The following STAU1 variants were observed in gnomAD, a reference collection of about 807,000 sequenced individuals.
The protein encoded by STAU1 is staufen double-stranded RNA binding protein 1.
STAU1 carries 13 observed loss-of-function variants against 62.9 expected under a neutral mutation model. That is an observed-to-expected ratio of 0.21 (90% confidence interval 0.13 to 0.33). The LOEUF is 0.33. Among genes scored for constraint, STAU1 ranks in the 10% least tolerant of loss-of-function variants. The pLI, the probability that STAU1 is intolerant of heterozygous loss-of-function variation, is 1.00. For synonymous variants in STAU1, 269 were observed against 265.1 expected, an observed-to-expected ratio of 1.01 and a Z score of -0.14; for missense variants, 571 against 712.1, an observed-to-expected ratio of 0.80 and a Z score of 2.25.
At chr20:49,124,685 G>T in intron 6 of STAU1, 98 bp from the exon 7 acceptor site, 1 of 1,263,628 alleles carries the variant, frequency 7.9e-7, no homozygotes, top group Non-Finnish European at 1.1e-6. Flanking sequence ...CAGGGAAGGG[G>T]AACCAAGGAC....
the STAU1 span, among the ~76,000 whole-genome samples, chr20:49,202,229 A>AG: frequency 7.8e-5 from 11 of 141,896 alleles, no homozygotes; most frequent in South Asian, 4.5e-4. Flanking sequence ...CAAAAAAAAA[A>AG]AAAAGAAAGA....
At chr20:49,134,981 T>C (rs2092842810) in intron 6 of STAU1, 1 of 1,602,982 alleles carries the variant, frequency 6.2e-7, no homozygotes, top group Non-Finnish European at 8.5e-7. Context: ...GAAGAGACAG[T>C]TCATGAACAA....
At chr20:49,180,335 C>CCG (rs1200086640) in intron 1 of STAU1, among the ~76,000 whole-genome samples, 1 of 150,158 alleles carries the variant, frequency 6.7e-6, no homozygotes, top group Non-Finnish European at 1.5e-5. Flanking sequence ...TTTTTTTTCC[C>CCG]CCCCTGGATA....
At chr20:49,122,343 C>T (rs1159881406) in intron 8 of STAU1, among the ~76,000 whole-genome samples, 1 of 152,090 alleles carries the variant, frequency 6.6e-6, no homozygotes, top group African/African-American at 2.4e-5. Context: ...ATACTACTTA[C>T]AAAATTTACC....
At position 49,114,611 on chromosome 20, in the gene STAU1, T is replaced by C. The variant is rs2092267704; in HGVS notation, c.*267A>G. 4.4e-6 allele frequency: 2 copies of C among 458,666 alleles called. No individual in the cohort carries two copies. The highest frequency in any genetic ancestry group is 7.9e-6 in the Non-Finnish European group (2 of 254,192). 28.4% of individuals were successfully genotyped at this position (458,666 alleles called of 1,614,324 possible). ...TGGTGTCCCGGGAGAACCAGCTGGC[T>C]GGGCAGCCCTTCTTCCCCACAGGCA... is the stretch of plus-strand genomic sequence containing the variant. On this transcript the variant is annotated 3_prime_UTR_variant, in exon 14 of 14. Transcript: ENST00000371856.
intron 6 of STAU1, among the ~76,000 whole-genome samples, chr20:49,126,829 A>T (rs191879111): frequency 6.6e-6 from 1 of 152,064 alleles, no homozygotes; most frequent in African/African-American, 2.4e-5. Flanking sequence ...AAAAAATAGT[A>T]CCAGAGCAAC....
At position 49,129,280 on chromosome 20, in the gene STAU1, ATTTTT is replaced by A. The variant is rs71184264; in HGVS notation, c.610-4698_610-4694del. Reference sequence around the variant, plus strand: ...CCTGCTAGAATGACTTTAAAAAAAAATTTTTTTTTTTTTTTTTTTTTTTTTGAGAC... The same window carrying A: ...CCTGCTAGAATGACTTTAAAAAAAAATTTTTTTTTTTTTTTTTTTTGAGAC... On this transcript the variant is annotated intron_variant, in intron 6 of 13. Coordinates refer to ENST00000371856, the MANE Select transcript of STAU1 (RefSeq NM_017453.4). 6.8e-5 allele frequency among the ~76,000 whole-genome samples: 6 copies of A among 87,958 alleles called. No homozygotes were observed. In the East Asian group the frequency reaches 2.3e-3, roughly 33 times the overall value. 57.7% of individuals were successfully genotyped at this position (87,958 alleles called of 152,430 possible).
At chr20:49,126,858 G>A (rs138087151) in intron 6 of STAU1, among the ~76,000 whole-genome samples, 28 of 151,288 alleles carry the variant, frequency 1.9e-4, no homozygotes, top group Non-Finnish European at 3.4e-4. Flanking sequence ...TATCTGCATG[G>A]AGCGGGGTGG....
intron 6 of STAU1, among the ~76,000 whole-genome samples, chr20:49,127,673 TC>T (rs1466841318): frequency 2.7e-5 from 4 of 150,826 alleles, no homozygotes; most frequent in Non-Finnish European, 4.4e-5. Flanking sequence ...GCCATTGCAT[TC>T]CAGCCCGGAT....
chr20:49,161,717 C>T (rs563182933), intron 3 of STAU1, among the ~76,000 whole-genome samples: 2 of 152,128 alleles, frequency 1.3e-5, no homozygotes, highest in Non-Finnish European at 2.9e-5. Context: ...CTGAAGTCAA[C>T]TAGCAGTATA....
At chr20:49,192,206 C>T (rs1209771462), upstream of STAU1, among the ~76,000 whole-genome samples, 7 of 151,670 alleles carry the variant, frequency 4.6e-5, no homozygotes, top group African/African-American at 1.2e-4. Context: ...ATTAGCTGGG[C>T]GTGGTGGCAG....
the STAU1 span, among the ~76,000 whole-genome samples, chr20:49,211,490 T>A: frequency 6.6e-6 from 1 of 151,748 alleles, no homozygotes; most frequent in Non-Finnish European, 1.5e-5. Flanking sequence ...CAAGTGATCC[T>A]CCTGCCTCAG....
At chr20:49,163,836 T>C (rs2093486322) in intron 3 of STAU1, among the ~76,000 whole-genome samples, 1 of 151,718 alleles carries the variant, frequency 6.6e-6, no homozygotes, top group African/African-American at 2.4e-5. Flanking sequence ...ACGATCACAG[T>C]TCATTGCAGC....
rs1297302709 is a variant in STAU1 at position 49,137,728 on chromosome 20, T to C, written c.511-1797A>G. Reference sequence around the variant, plus strand: ...TCGCCCAGGCTGGAGTCCAATGGCATGACCTTGGATCACTGCAACGTCTGC... The same window carrying C: ...TCGCCCAGGCTGGAGTCCAATGGCACGACCTTGGATCACTGCAACGTCTGC... On this transcript the variant is annotated intron_variant, in intron 5 of 13. Coordinates refer to ENST00000371856, the MANE Select transcript of STAU1 (RefSeq NM_017453.4). Among the ~76,000 whole-genome samples, 9 of 152,088 alleles carry C rather than the reference T, an allele frequency of 5.9e-5. No individual in the cohort carries two copies. The East Asian group carries it at 1.5e-3, about 26-fold the overall frequency.
the STAU1 span, among the ~76,000 whole-genome samples, chr20:49,194,429 CAAAAAA>C: frequency 1.2e-5 from 1 of 81,160 alleles, no homozygotes; most frequent in Non-Finnish European, 2.3e-5. Flanking sequence ...AACTCCGTCT[CAAAAAA>C]AAAAAAAAAA....
rs548115959 is a variant in STAU1, at chr20:49,169,099, T to C, written c.-84-2814A>G. Among the ~76,000 whole-genome samples the C allele has an allele frequency of 5.3e-5, 8 of 152,094 alleles. No homozygotes were observed. The East Asian group carries it at 1.4e-3, about 26-fold the overall frequency. ...CCGAGTACTTAGGATTACAGGCGTG[T>C]ACCACCACACCCGGCTAATTTTGTA... On this transcript the variant is annotated intron_variant, in intron 2 of 13. Coordinates refer to ENST00000371856, the MANE Select transcript of STAU1 (RefSeq NM_017453.4).
At chr20:49,152,885 G>A (rs2093279196) in intron 4 of STAU1, among the ~76,000 whole-genome samples, 1 of 152,108 alleles carries the variant, frequency 6.6e-6, no homozygotes, top group Admixed American at 6.6e-5. Flanking sequence ...TCTTTAGCCA[G>A]GCTGCTTGAG....
chr20:49,175,120 C>T (rs773513278), intron 1 of STAU1, among the ~76,000 whole-genome samples: 1 of 151,862 alleles, frequency 6.6e-6, no homozygotes, highest in African/African-American at 2.4e-5. Flanking sequence ...CGCGCCACTG[C>T]ACTCCAGCCT....
At chr20:49,156,624 C>T (rs999111404) in intron 3 of STAU1, among the ~76,000 whole-genome samples, 3 of 152,186 alleles carry the variant, frequency 2.0e-5, no homozygotes, top group African/African-American at 7.2e-5. Context: ...TACCAGTTCA[C>T]TCAGCTCCCC....
Sources: gnomAD v4.1 joint callset for allele counts (sites outside exome capture counted in the v4.1 genomes callset) on GRCh38, gnomAD v4.1.1 for gene constraint, MANE v1.5 for transcripts, NCBI Gene and HGNC (gene_info 2026-07-23, HGNC 2026-07-21) for gene names.